The following ATP2B2 variants were observed in gnomAD, a reference collection of about 807,000 sequenced individuals.
The protein encoded by ATP2B2 is plasma membrane calcium-transporting ATPase 2.
A neutral mutation model predicts 120.0 loss-of-function variants in ATP2B2; 15 were observed. The observed-to-expected ratio is 0.12, with a 90% CI of 0.08 to 0.19. The LOEUF (loss-of-function observed/expected upper bound fraction) is 0.19, where lower values mean the gene tolerates loss of function less well. ATP2B2 is among the 10% of genes least tolerant of loss of function. ATP2B2 has a pLI of 1.00. For synonymous variants in ATP2B2, 694 were observed against 700.3 expected (o/e 0.99, Z 0.14); for missense variants, 1,045 against 1,719.8 (o/e 0.61, Z 6.94).
At chr3:10,573,018 G>T (rs762562985) in intron 2 of ATP2B2, among the ~76,000 whole-genome samples, 24 of 152,170 alleles carry the variant, frequency 1.6e-4, no homozygotes, top group Non-Finnish European at 3.4e-4. Context: ...GATTCCTGGT[G>T]CATCTCAAAT....
At chr3:10,431,055 T>C (rs1389226281) in intron 2 of ATP2B2, among the ~76,000 whole-genome samples, 1 of 151,848 alleles carries the variant, frequency 6.6e-6, no homozygotes, top group Non-Finnish European at 1.5e-5. Flanking sequence ...AAGATATGAG[T>C]GAATTGCTGC....
intron 2 of ATP2B2, among the ~76,000 whole-genome samples, chr3:10,590,440 A>T (rs1454670754): frequency 1.3e-5 from 2 of 152,226 alleles, no homozygotes; most frequent in Admixed American, 6.5e-5. Context: ...TTTAAAAAAT[A>T]GAACAAAAGC....
intron 2 of ATP2B2, among the ~76,000 whole-genome samples, chr3:10,591,401 C>T (rs771916644): frequency 5.9e-5 from 9 of 152,166 alleles, no homozygotes; most frequent in Non-Finnish European, 4.4e-5. Context: ...CAGGTTCAAA[C>T]ACACTAGCTG....
intron 2 of ATP2B2, among the ~76,000 whole-genome samples, chr3:10,552,896 A>G (rs1303309160): frequency 6.6e-6 from 1 of 151,298 alleles, no homozygotes; most frequent in Non-Finnish European, 1.5e-5. Context: ...AGGACTTTCT[A>G]TGTGCTGTCT....
At chr3:10,335,033 A>G (rs33269) in intron 22 of ATP2B2, among the ~76,000 whole-genome samples, 66,985 of 151,898 alleles carry the variant, frequency 0.44, 15,419 homozygotes, top group South Asian at 0.58. Flanking sequence ...CTTGTTCCCT[A>G]TGGGGCCCGA....
chr3:10,479,646 C>T lies in ATP2B2; in HGVS notation c.-320+25819G>A, dbSNP rs9881392. Among the ~76,000 whole-genome samples, 1,179 of 152,224 alleles carry T rather than the reference C, an allele frequency of 7.7e-3. 17 individuals carry two copies. The highest frequency in any genetic ancestry group is 0.026 in the African/African-American group (1,098 of 41,516). On this transcript the variant is annotated intron_variant, in intron 1 of 22. Transcript: ENST00000360273. ...ATTATGCATATTATATATATACTTA[C>T]TGTCTGTCTCCTTTCACTAAGGCCT...
intron 1 of ATP2B2, among the ~76,000 whole-genome samples, chr3:10,621,965 G>A (rs1173632119): frequency 6.6e-6 from 1 of 152,236 alleles, no homozygotes; most frequent in African/African-American, 2.4e-5. Flanking sequence ...AGCACTAGCT[G>A]CACGGTCATT....
At chr3:10,509,885 G>A (rs1005369844), upstream of ATP2B2, among the ~76,000 whole-genome samples, 4 of 152,210 alleles carry the variant, frequency 2.6e-5, no homozygotes, top group African/African-American at 4.8e-5. Flanking sequence ...TTGGGCAAGT[G>A]ACTCGACCTC....
Position 10,450,862 on chromosome 3 carries a change from C to A in ATP2B2, c.-319-1000G>T, listed in dbSNP as rs568576585. ...CACCCAACACCAGAGGCCGAGGCCC[C>A]AGCAAGCGTTGGGTGACAAAGGGCC... is the stretch of plus-strand genomic sequence containing the variant. On this transcript the variant is annotated intron_variant, in intron 1 of 22. Coordinates refer to ENST00000360273, the MANE Select transcript of ATP2B2 (RefSeq NM_001001331.4). Among the ~76,000 whole-genome samples the A allele has an allele frequency of 4.6e-4, 70 of 152,300 alleles. No individual in the cohort carries two copies. The South Asian group carries it at 0.012, about 27-fold the overall frequency.
At chr3:10,378,697 G>A (rs1404520900) in intron 9 of ATP2B2, among the ~76,000 whole-genome samples, 4 of 152,228 alleles carry the variant, frequency 2.6e-5, no homozygotes, top group Admixed American at 2.6e-4. Flanking sequence ...GAACAAGCCT[G>A]TGAGTCCTAC....
chr3:10,475,956 C>T (rs2065187882), intron 1 of ATP2B2, among the ~76,000 whole-genome samples: 1 of 152,126 alleles, frequency 6.6e-6, no homozygotes. Flanking sequence ...CTTTATAACC[C>T]CATCCTCCCA....
intron 1 of ATP2B2, among the ~76,000 whole-genome samples, chr3:10,675,552 C>T (rs1257650193): frequency 6.6e-6 from 1 of 152,160 alleles, no homozygotes; most frequent in Non-Finnish European, 1.5e-5. Flanking sequence ...TCAACAGACC[C>T]CTCTTTGCTC....
At chr3:10,682,596 C>A (rs561383430) in intron 1 of ATP2B2, among the ~76,000 whole-genome samples, 1 of 152,284 alleles carries the variant, frequency 6.6e-6, no homozygotes, top group Admixed American at 6.5e-5. Context: ...AGAGGACAGA[C>A]CTGGGAGATG....
intron 8 of ATP2B2, 22 bp from the exon 9 acceptor site, chr3:10,379,306 C>T: frequency 6.2e-7 from 1 of 1,613,410 alleles, no homozygotes. Context: ...AGAATTTTAA[C>T]AGACAACAGA....
intron 2 of ATP2B2, among the ~76,000 whole-genome samples, chr3:10,588,764 C>T (rs2068574545): frequency 6.6e-6 from 1 of 152,142 alleles, no homozygotes; most frequent in Admixed American, 6.5e-5. Flanking sequence ...GGTAGAGATG[C>T]TTTTTATGCC....
intron 1 of ATP2B2, among the ~76,000 whole-genome samples, chr3:10,454,283 G>T (rs1420757683): frequency 6.6e-6 from 1 of 152,178 alleles, no homozygotes; most frequent in African/African-American, 2.4e-5. Context: ...GGGGTAACCA[G>T]GAATGCCTTT....
chr3:10,473,973 C>G lies in ATP2B2; in HGVS notation c.-319-24111G>C, dbSNP rs75486105. ...AGGTGATAGATTAACGTACTTTTCC[C>G]TTTTTCACGGATCTGTCATGCATTG... On this transcript the variant is annotated intron_variant, in intron 1 of 22. Transcript: ENST00000360273. Among the ~76,000 whole-genome samples, 207 of 152,268 alleles carry G rather than the reference C, an allele frequency of 1.4e-3. 2 individuals carry two copies. The South Asian group carries it at 0.027, about 20-fold the overall frequency.
chr3:10,659,851 C>T (rs1445819768), intron 1 of ATP2B2, among the ~76,000 whole-genome samples: 1 of 150,866 alleles, frequency 6.6e-6, no homozygotes, highest in Admixed American at 6.6e-5. Context: ...GGAAGTAAAG[C>T]ACTCCTCAGC....
At chr3:10,596,337 G>T (rs1047405245) in intron 2 of ATP2B2, among the ~76,000 whole-genome samples, 1 of 152,194 alleles carries the variant, frequency 6.6e-6, no homozygotes, top group Non-Finnish European at 1.5e-5. Flanking sequence ...GGGACTCTGT[G>T]GGTATGAACA....
Sources: gnomAD v4.1 joint callset for allele counts (sites outside exome capture counted in the v4.1 genomes callset) on GRCh38, gnomAD v4.1.1 for gene constraint, MANE v1.5 for transcripts, NCBI Gene and HGNC (gene_info 2026-07-23, HGNC 2026-07-21) for gene names.